LIMCH1: variants seen among roughly 807,000 people sequenced by gnomAD.
LIMCH1 encodes the protein LIM and calponin homology domains-containing protein 1.
LIMCH1 carries 113 observed loss-of-function variants against 176.5 expected under a neutral mutation model. That is an observed-to-expected ratio of 0.64 (90% CI 0.55 to 0.75). The LOEUF (loss-of-function observed/expected upper bound fraction) is 0.75. LIMCH1 is among the 30% of genes least tolerant of loss of function. The pLI is 0.00. For missense variants in LIMCH1, 1,674 were observed against 1,814.9 expected, an observed-to-expected ratio of 0.92 and a Z score of 1.41; for synonymous variants, 619 against 645.9, an observed-to-expected ratio of 0.96 and a Z score of 0.63.
At chr4:41,371,512 G>C (rs887826066) in intron 1 of LIMCH1, among the ~76,000 whole-genome samples, 1 of 152,102 alleles carries the variant, frequency 6.6e-6, no homozygotes, top group African/African-American at 2.4e-5. Flanking sequence ...CCTTGATGCT[G>C]AGATCCAGAC....
rs1189147846 is a variant in LIMCH1, at chr4:41,613,653, G to A, written c.197G>A (p.Ser66Asn). Residue 66 changes from serine to asparagine, a missense_variant, in exon 5 of 32, where the codon AGC becomes AAC. Ser to Asn is a conservative substitution (Grantham distance 46). Coordinates refer to ENST00000503057, the MANE Select transcript of LIMCH1 (RefSeq NM_001330672.2). ...TPSPDVVLRG[S>N]SDGRGSDSES... The stretch of plus-strand genomic sequence containing the variant: ...TCACCAGATGTAGTCCTCAGGGGAA[G>A]CAGCGATGGTAGGTTGGAGTCTTAA... The A allele has an allele frequency of 1.2e-6, 2 of 1,613,846 alleles. No homozygotes were observed. Among genetic ancestry groups the A allele is most frequent in the African/African-American group, 2.7e-5 (2 of 74,916 alleles).
intron 1 of LIMCH1, among the ~76,000 whole-genome samples, chr4:41,568,612 C>G (rs143981909): frequency 7.4e-4 from 112 of 152,270 alleles, no homozygotes; most frequent in Admixed American, 1.8e-3. Flanking sequence ...AAATATGATG[C>G]TGCTAAAATA....
intron 20 of LIMCH1, among the ~76,000 whole-genome samples, chr4:41,665,501 T>A (rs10023518): frequency 0.59 from 89,268 of 151,968 alleles, 27,305 homozygotes; most frequent in African/African-American, 0.71. Flanking sequence ...TTCATAAAAA[T>A]TCCTTCTGAG....
At chr4:41,528,001 G>A (rs910622365) in intron 3 of LIMCH1, among the ~76,000 whole-genome samples, 1 of 152,088 alleles carries the variant, frequency 6.6e-6, no homozygotes, top group Non-Finnish European at 1.5e-5. Context: ...TATAAATTGA[G>A]TATTAGATAA....
intron 1 of LIMCH1, among the ~76,000 whole-genome samples, chr4:41,380,524 GC>G (rs2055496081): frequency 1.3e-5 from 2 of 150,806 alleles, no homozygotes; most frequent in Admixed American, 1.3e-4. Flanking sequence ...CTGCCTCCCT[GC>G]TAGTGGAGAG....
At position 41,512,544 on chromosome 4, in the gene LIMCH1, T is replaced by C. The variant is rs557816014; in HGVS notation, c.168-11865T>C. Among the ~76,000 whole-genome samples the C allele has an allele frequency of 1.6e-4, 24 of 152,308 alleles. No homozygotes were observed. The South Asian group carries it at 5.0e-3, about 32-fold the overall frequency. Reference sequence around the variant, plus strand: ...GAATGGATAGATCAAATGTGGTATATCCTTGCAATGCAATATTATTTGGCT... The same window carrying C: ...GAATGGATAGATCAAATGTGGTATACCCTTGCAATGCAATATTATTTGGCT... On this transcript the variant is annotated intron_variant, in intron 2 of 26. Coordinates refer to the LIMCH1 transcript ENST00000313860.
chr4:41,434,636 C>T (rs2061906032), intron 1 of LIMCH1, among the ~76,000 whole-genome samples: 1 of 152,188 alleles, frequency 6.6e-6, no homozygotes, highest in Non-Finnish European at 1.5e-5. Context: ...CCTGCCTCAG[C>T]CTCCTGAGTA....
intron 1 of LIMCH1, among the ~76,000 whole-genome samples, chr4:41,593,208 A>G (rs1368537135): frequency 6.6e-6 from 1 of 152,256 alleles, no homozygotes; most frequent in Non-Finnish European, 1.5e-5. Flanking sequence ...ACACAGGGCA[A>G]GCCCACAAAT....
At chr4:41,611,914 T>C (rs10026359) in intron 4 of LIMCH1, among the ~76,000 whole-genome samples, 119,978 of 152,160 alleles carry the variant, frequency 0.79, 47,681 homozygotes, top group East Asian at 0.86. Context: ...CCTTTTTCAG[T>C]TAGTCAGGCC....
chr4:41,535,490 TC>T (rs2077810846), upstream of LIMCH1, among the ~76,000 whole-genome samples: 1 of 152,198 alleles, frequency 6.6e-6, no homozygotes, highest in South Asian at 2.1e-4. Context: ...ACGTGGTCTT[TC>T]CCCTGTATGT....
chr4:41,489,404 G>T (rs948505476), intron 1 of LIMCH1, among the ~76,000 whole-genome samples: 2 of 152,032 alleles, frequency 1.3e-5, no homozygotes, highest in African/African-American at 4.8e-5. Flanking sequence ...GATTTGAGAT[G>T]ATCTTTTCTG....
chr4:41,556,637 TG>T (rs2081309880), intron 1 of LIMCH1, among the ~76,000 whole-genome samples: 1 of 152,112 alleles, frequency 6.6e-6, no homozygotes, highest in South Asian at 2.1e-4. Flanking sequence ...GAGACTTAGA[TG>T]AATTAAGTCA....
At chr4:41,632,495 C>T (rs1585096638) in intron 10 of LIMCH1, among the ~76,000 whole-genome samples, 1 of 152,232 alleles carries the variant, frequency 6.6e-6, no homozygotes, top group East Asian at 1.9e-4. Flanking sequence ...TCCTCGAGGC[C>T]TTGAATCCTG....
intron 1 of LIMCH1, among the ~76,000 whole-genome samples, chr4:41,405,104 G>T (rs2058828260): frequency 6.6e-6 from 1 of 152,096 alleles, no homozygotes; most frequent in African/African-American, 2.4e-5. Context: ...TTCAGGGTGT[G>T]CACCTGATCT....
chr4:41,644,761 A>C, intron 15 of LIMCH1, 135 bp downstream of exon 15: 1 of 1,075,068 alleles, frequency 9.3e-7, no homozygotes, highest in Non-Finnish European at 1.3e-6. Flanking sequence ...TGACACGGTA[A>C]ATGTGGGACT....
rs1255760610 is a variant in LIMCH1, at chr4:41,633,507, A to G, written c.1830-41A>G. ...TGACACTACTGAAAATATCTTTAGC[A>G]GTAAGTGGCCTTTGACTGGCTGGAC... On this transcript the variant is annotated intron_variant, in intron 12 of 31. Coordinates refer to ENST00000503057, the MANE Select transcript of LIMCH1 (RefSeq NM_001330672.2). 6 of 1,528,302 alleles carry G rather than the reference A, an allele frequency of 3.9e-6. No individual in the cohort carries two copies. The Admixed American group carries it at 7.9e-5, about 20-fold the overall frequency. The allele number at this position is 1,528,302 out of a possible 1,614,324, so 94.7% of individuals were successfully genotyped here. A position where few individuals can be genotyped will look rare whatever the true frequency, so the allele number is the denominator to read the frequency against.
At chr4:41,383,761 A>G (rs1239687397) in intron 1 of LIMCH1, among the ~76,000 whole-genome samples, 1 of 152,134 alleles carries the variant, frequency 6.6e-6, no homozygotes, top group Non-Finnish European at 1.5e-5. Flanking sequence ...ATGTGTATGT[A>G]TATATTTAAG....
At chr4:41,569,323 T>C (rs1243149256) in intron 1 of LIMCH1, among the ~76,000 whole-genome samples, 2 of 152,172 alleles carry the variant, frequency 1.3e-5, no homozygotes, top group African/African-American at 2.4e-5. Flanking sequence ...GAGCCCACCA[T>C]GCAGTTCTCT....
chr4:41,566,256 A>G (rs1017181461), intron 1 of LIMCH1, among the ~76,000 whole-genome samples: 9 of 152,204 alleles, frequency 5.9e-5, no homozygotes, highest in Non-Finnish European at 5.9e-5. Flanking sequence ...AGAATCACAA[A>G]TGGTCTTAAT....
Sources: gnomAD v4.1 joint callset for allele counts (sites outside exome capture counted in the v4.1 genomes callset) on GRCh38, gnomAD v4.1.1 for gene constraint, MANE v1.5 for transcripts, NCBI Gene and HGNC (gene_info 2026-07-23, HGNC 2026-07-21) for gene names.